The following GRM5 variants were observed in gnomAD, a reference collection of about 807,000 sequenced individuals.
GRM5 encodes glutamate metabotropic receptor 5, also known as metabotropic glutamate receptor 5.
Under a neutral mutation model 83.1 loss-of-function variants are expected in GRM5, and 19 were observed. The observed-to-expected ratio is 0.23, with a 90% confidence interval of 0.16 to 0.34. The LOEUF is 0.34. GRM5 is among the 10% of genes least tolerant of loss of function. The pLI is 1.00. For missense variants in GRM5, 1,160 were observed against 1,588.3 expected (o/e 0.73, Z 4.58); for synonymous variants, 675 against 633.6 (o/e 1.07, Z -0.98).
chr11:88,752,943 T>A (rs1190257828), intron 3 of GRM5, among the ~76,000 whole-genome samples: 1 of 152,110 alleles, frequency 6.6e-6, no homozygotes. Context: ...TTACACCATA[T>A]GCAAAAATTA....
At chr11:88,971,604 G>A (rs1439710987) in intron 2 of GRM5, among the ~76,000 whole-genome samples, 1 of 152,034 alleles carries the variant, frequency 6.6e-6, no homozygotes, top group African/African-American at 2.4e-5. Flanking sequence ...GCTGTGAAGG[G>A]CACGATCATT....
intron 2 of GRM5, among the ~76,000 whole-genome samples, chr11:88,974,321 T>C (rs796360390): frequency 9.9e-5 from 15 of 152,042 alleles, no homozygotes; most frequent in African/African-American, 2.4e-4. Flanking sequence ...GAGAAAAAGA[T>C]TGAAAAACAT....
chr11:88,626,264 A>C (rs967191269), intron 4 of GRM5, among the ~76,000 whole-genome samples: 4 of 152,218 alleles, frequency 2.6e-5, no homozygotes, highest in Admixed American at 2.6e-4. Context: ...TAGACCATAA[A>C]ACATTCTTAA....
chr11:88,830,786 C>T (rs11021503), intron 3 of GRM5, among the ~76,000 whole-genome samples: 3,870 of 152,208 alleles, frequency 0.025, 171 homozygotes, highest in African/African-American at 0.089. Flanking sequence ...CAAGACTGGG[C>T]AATTTACAAA....
At chr11:88,593,447 G>A (rs1052201592) in intron 6 of GRM5, among the ~76,000 whole-genome samples, 1 of 152,004 alleles carries the variant, frequency 6.6e-6, no homozygotes, top group African/African-American at 2.4e-5. Flanking sequence ...GAAGGCTGAG[G>A]TGGGCGGATC....
chr11:88,711,617 C>T (rs1490724643), intron 3 of GRM5, among the ~76,000 whole-genome samples: 1 of 152,040 alleles, frequency 6.6e-6, no homozygotes, highest in East Asian at 1.9e-4. Context: ...CATATCATCT[C>T]TCAGTTTCTT....
intron 3 of GRM5, among the ~76,000 whole-genome samples, chr11:88,737,959 A>ATGTT (rs1941954072): frequency 6.6e-6 from 1 of 152,066 alleles, no homozygotes; most frequent in African/African-American, 2.4e-5. Context: ...CATGATTACA[A>ATGTT]TGTTTTTGAA....
Position 88,785,440 on chromosome 11 carries a change from C to T in GRM5, c.911+64466G>A, listed in dbSNP as rs114174857. On this transcript the variant is annotated intron_variant, in intron 3 of 9. Coordinates refer to ENST00000305447, the MANE Select transcript of GRM5 (RefSeq NM_001143831.3). ...GATGAATAGATCAAGAAGAAATGGA[C>T]GTAAGTTGTTCAAAGAATAAATTGA... Among the ~76,000 whole-genome samples the T allele has an allele frequency of 3.0e-3, 456 of 151,962 alleles. 1 individual carries two copies. The highest frequency in any genetic ancestry group is 0.01 in the African/African-American group (421 of 41,484).
At chr11:88,981,525 G>A (rs1278137870) in intron 2 of GRM5, among the ~76,000 whole-genome samples, 6 of 152,120 alleles carry the variant, frequency 3.9e-5, no homozygotes, top group African/African-American at 1.4e-4. Flanking sequence ...CCAAAGGATT[G>A]CTCTCCAAAC....
chr11:88,731,988 T>C (rs1007755730), intron 3 of GRM5, among the ~76,000 whole-genome samples: 7 of 152,000 alleles, frequency 4.6e-5, no homozygotes, highest in African/African-American at 1.7e-4. Flanking sequence ...AAAAGTAAGA[T>C]TTGTCCAGAG....
chr11:88,526,678 G>A (rs759051192), intron 8 of GRM5, among the ~76,000 whole-genome samples: 9 of 151,994 alleles, frequency 5.9e-5, no homozygotes, highest in Non-Finnish European at 1.3e-4. Context: ...AAAATAAAAT[G>A]CAACAAAGTC....
At chr11:88,583,506 C>A (rs911488163) in intron 7 of GRM5, among the ~76,000 whole-genome samples, 10 of 152,200 alleles carry the variant, frequency 6.6e-5, no homozygotes, top group African/African-American at 2.4e-4. Context: ...GGAGATAATG[C>A]TAACTTCCTG....
chr11:88,884,880 G>A (rs949302533), intron 2 of GRM5, among the ~76,000 whole-genome samples: 6 of 152,198 alleles, frequency 3.9e-5, no homozygotes, highest in Admixed American at 3.9e-4. Context: ...GTGGATTTGT[G>A]AGTTCATTAA....
At chr11:89,060,478 G>GT (rs1472867094) in intron 1 of GRM5, among the ~76,000 whole-genome samples, 1 of 151,998 alleles carries the variant, frequency 6.6e-6, no homozygotes, top group Admixed American at 6.6e-5. Context: ...AAAAAACGTA[G>GT]TTTTTATAAC....
intron 2 of GRM5, among the ~76,000 whole-genome samples, chr11:88,904,333 C>G (rs187637261): frequency 6.6e-6 from 1 of 152,276 alleles, no homozygotes; most frequent in East Asian, 1.9e-4. Context: ...AAAACATTTT[C>G]TCAACCAAAG....
intron 2 of GRM5, among the ~76,000 whole-genome samples, chr11:88,853,992 A>T (rs1430231909): frequency 6.6e-6 from 1 of 150,728 alleles, no homozygotes; most frequent in South Asian, 2.1e-4. Context: ...TCTCATGTTC[A>T]TGGCAGCATT....
chr11:88,935,527 A>AATT (rs1937863404), intron 2 of GRM5, among the ~76,000 whole-genome samples: 1 of 151,854 alleles, frequency 6.6e-6, no homozygotes, highest in African/African-American at 2.4e-5. Flanking sequence ...TAATATGAGC[A>AATT]ACTGTGATTC....
intron 2 of GRM5, among the ~76,000 whole-genome samples, chr11:88,997,054 G>C (rs558476983): frequency 1.3e-5 from 2 of 152,196 alleles, no homozygotes; most frequent in Non-Finnish European, 2.9e-5. Flanking sequence ...GATGGGTGCA[G>C]TGGCTCACAC....
chr11:88,715,016 G>A (rs963987501), intron 3 of GRM5, among the ~76,000 whole-genome samples: 2 of 151,996 alleles, frequency 1.3e-5, no homozygotes, highest in Non-Finnish European at 1.5e-5. Flanking sequence ...TGATGAAAAT[G>A]AAAGATGGGG....
Sources: allele counts gnomAD v4.1 joint callset (sites outside exome capture counted in the v4.1 genomes callset), GRCh38; gene constraint gnomAD v4.1.1; transcripts MANE v1.5; gene names NCBI Gene and HGNC (gene_info 2026-07-23, HGNC 2026-07-21).